The following HS3ST4 variants were observed in gnomAD, a reference collection of about 807,000 sequenced individuals.
HS3ST4 encodes the protein heparan sulfate-glucosamine 3-sulfotransferase 4.
Under a neutral mutation model 29.2 loss-of-function variants are expected in HS3ST4, and 17 were observed. The observed-to-expected ratio is 0.58, with a 90% CI of 0.40 to 0.87. The LOEUF is 0.87. Among genes scored for constraint, HS3ST4 ranks in the 40% least tolerant of loss-of-function variants. The pLI is 0.00. For missense variants in HS3ST4, 627 were observed against 634.5 expected (o/e 0.99, Z 0.13); for synonymous variants, 314 against 285.7 (o/e 1.10, Z -1.00).
intron 1 of HS3ST4, among the ~76,000 whole-genome samples, chr16:25,956,809 T>C (rs536244957): frequency 6.6e-6 from 1 of 152,068 alleles, no homozygotes; most frequent in South Asian, 2.1e-4. Context: ...CCATCCTGGC[T>C]AACACGATGA....
At chr16:25,969,723 GT>G (rs372859234) in intron 1 of HS3ST4, among the ~76,000 whole-genome samples, 1 of 152,230 alleles carries the variant, frequency 6.6e-6, no homozygotes, top group African/African-American at 2.4e-5. Context: ...AGATGTGGCA[GT>G]TTTGTGCCCC....
At chr16:26,128,555 A>G (rs758144568) in intron 1 of HS3ST4, among the ~76,000 whole-genome samples, 10 of 152,174 alleles carry the variant, frequency 6.6e-5, no homozygotes, top group South Asian at 2.1e-4. Context: ...TTGGGTTTCT[A>G]TTTAAGAATG....
chr16:25,837,576 C>T (rs935838603), intron 1 of HS3ST4, among the ~76,000 whole-genome samples: 1 of 152,040 alleles, frequency 6.6e-6, no homozygotes, highest in African/African-American at 2.4e-5. Flanking sequence ...CTATGGCTAT[C>T]TATTTGATGG....
At chr16:26,102,709 A>T (rs573897857) in intron 1 of HS3ST4, among the ~76,000 whole-genome samples, 1 of 152,204 alleles carries the variant, frequency 6.6e-6, no homozygotes, top group African/African-American at 2.4e-5. Context: ...TTATTTGCTC[A>T]TGTTCTTTCT....
chr16:25,864,614 A>G (rs561315660), intron 1 of HS3ST4, among the ~76,000 whole-genome samples: 1 of 152,174 alleles, frequency 6.6e-6, no homozygotes, highest in East Asian at 1.9e-4. Flanking sequence ...TCCACATTGT[A>G]AAATTCCACA....
chr16:25,734,393 G>C (rs1966592496), intron 1 of HS3ST4, among the ~76,000 whole-genome samples: 1 of 152,156 alleles, frequency 6.6e-6, no homozygotes, highest in Non-Finnish European at 1.5e-5. Context: ...TTTCTGGGAA[G>C]AGGGCCCAGG....
intron 1 of HS3ST4, among the ~76,000 whole-genome samples, chr16:25,714,782 G>A (rs1966440847): frequency 6.6e-6 from 1 of 152,148 alleles, no homozygotes; most frequent in African/African-American, 2.4e-5. Flanking sequence ...TTTTTCCATG[G>A]GGTTGGGTCA....
At chr16:25,804,131 G>A (rs964918267) in intron 1 of HS3ST4, among the ~76,000 whole-genome samples, 1 of 152,058 alleles carries the variant, frequency 6.6e-6, no homozygotes, top group African/African-American at 2.4e-5. Flanking sequence ...CTTCCTCATA[G>A]ATAAGACGTG....
At chr16:25,942,868 C>T (rs1287543646) in intron 1 of HS3ST4, among the ~76,000 whole-genome samples, 1 of 152,110 alleles carries the variant, frequency 6.6e-6, no homozygotes, top group Non-Finnish European at 1.5e-5. Flanking sequence ...GCAATCCTCC[C>T]ACTTCAGCCT....
intron 1 of HS3ST4, among the ~76,000 whole-genome samples, chr16:26,037,397 G>C (rs1201732701): frequency 6.6e-6 from 1 of 152,192 alleles, no homozygotes; most frequent in Non-Finnish European, 1.5e-5. Flanking sequence ...AAGGAATATA[G>C]AGCCTGTGGT....
chr16:25,995,351 C>T (rs1969150019), intron 1 of HS3ST4, among the ~76,000 whole-genome samples: 1 of 152,180 alleles, frequency 6.6e-6, no homozygotes, highest in Admixed American at 6.5e-5. Context: ...TCAACCTATG[C>T]AGTTAAGATT....
chr16:26,040,449 GC>G (rs890922803), intron 1 of HS3ST4, among the ~76,000 whole-genome samples: 3 of 151,982 alleles, frequency 2.0e-5, no homozygotes, highest in African/African-American at 7.2e-5. Context: ...GATTACAGGC[GC>G]ATGCCAACAC....
At chr16:25,918,438 G>T (rs1968313991) in intron 1 of HS3ST4, among the ~76,000 whole-genome samples, 1 of 152,226 alleles carries the variant, frequency 6.6e-6, no homozygotes, top group African/African-American at 2.4e-5. Context: ...GCCTACCTGA[G>T]GGGAGGTAGC....
intron 1 of HS3ST4, among the ~76,000 whole-genome samples, chr16:26,045,232 T>C (rs982807790): frequency 1.3e-5 from 2 of 152,114 alleles, no homozygotes; most frequent in African/African-American, 4.8e-5. Context: ...GGTAGCATCA[T>C]GGTGAAAAGT....
intron 1 of HS3ST4, among the ~76,000 whole-genome samples, chr16:25,947,456 C>T (rs937882708): frequency 1.3e-5 from 2 of 152,178 alleles, no homozygotes; most frequent in African/African-American, 4.8e-5. Context: ...TGAGTTGGCT[C>T]AGGCAGTGCT....
chr16:25,748,428 A>G (rs978239667), intron 1 of HS3ST4, among the ~76,000 whole-genome samples: 31 of 152,202 alleles, frequency 2.0e-4, no homozygotes, highest in African/African-American at 7.2e-4. Flanking sequence ...CAGAAACTGC[A>G]GAGCCCAGCT....
intron 1 of HS3ST4, among the ~76,000 whole-genome samples, chr16:26,095,414 G>A (rs1017370158): frequency 2.0e-5 from 3 of 152,132 alleles, no homozygotes; most frequent in Non-Finnish European, 4.4e-5. Context: ...ACAACAAACT[G>A]TCTCTCAGAC....
intron 1 of HS3ST4, among the ~76,000 whole-genome samples, chr16:25,981,609 C>CTT (rs376892231): frequency 0.64 from 87,668 of 136,786 alleles, 32,698 homozygotes; most frequent in Non-Finnish European, 0.82. Flanking sequence ...TGGTGGAGTT[C>CTT]TTTTTTTTTT....
intron 1 of HS3ST4, among the ~76,000 whole-genome samples, chr16:25,759,228 G>A (rs1279574532): frequency 6.6e-6 from 1 of 152,192 alleles, no homozygotes; most frequent in African/African-American, 2.4e-5. Flanking sequence ...ACAATAGCTT[G>A]CAGTTAGAAA....
Sources: allele counts gnomAD v4.1 joint callset (sites outside exome capture counted in the v4.1 genomes callset), GRCh38; gene constraint gnomAD v4.1.1; transcripts MANE v1.5; gene names NCBI Gene and HGNC (gene_info 2026-07-23, HGNC 2026-07-21).